Variants in MDGA2 observed in about 807,000 individuals in gnomAD.
MDGA2 encodes the protein MAM domain-containing glycosylphosphatidylinositol anchor protein 2.
A neutral mutation model predicts 117.8 loss-of-function variants in MDGA2; 40 were observed. That is an observed-to-expected ratio of 0.34 (90% confidence interval 0.26 to 0.44). The LOEUF (loss-of-function observed/expected upper bound fraction) is 0.44, where lower values mean the gene tolerates loss of function less well. MDGA2 is among the 20% of genes least tolerant of loss of function. The pLI, the probability that MDGA2 is intolerant of heterozygous loss-of-function variation, is 1.00. For synonymous variants in MDGA2, 452 were observed against 439.0 expected, an observed-to-expected ratio of 1.03 and a Z score of -0.37; for missense variants, 1,123 against 1,250.6, an observed-to-expected ratio of 0.90 and a Z score of 1.54.
At chr14:47,648,598 G>T (rs1224845218) in intron 1 of MDGA2, among the ~76,000 whole-genome samples, 1 of 152,070 alleles carries the variant, frequency 6.6e-6, no homozygotes, top group Non-Finnish European at 1.5e-5. Flanking sequence ...GCAAAGTTCA[G>T]CTGCAAAGAA....
At chr14:47,226,346 G>A (rs186144611) in intron 2 of MDGA2, among the ~76,000 whole-genome samples, 8 of 152,134 alleles carry the variant, frequency 5.3e-5, no homozygotes, top group African/African-American at 1.4e-4. Context: ...GACTCATCAC[G>A]GTAGACAAGT....
chr14:47,488,788 T>C (rs1894110659), intron 1 of MDGA2, among the ~76,000 whole-genome samples: 1 of 152,010 alleles, frequency 6.6e-6, no homozygotes, highest in Non-Finnish European at 1.5e-5. Context: ...CATAACACTC[T>C]GCACAACAGA....
At chr14:46,955,200 A>G (rs1344583144) in intron 9 of MDGA2, among the ~76,000 whole-genome samples, 1 of 152,004 alleles carries the variant, frequency 6.6e-6, no homozygotes, top group Non-Finnish European at 1.5e-5. Flanking sequence ...ATGTCTACAT[A>G]TTAATATATA....
chr14:47,072,973 C>T (rs1890349475), intron 6 of MDGA2, among the ~76,000 whole-genome samples: 1 of 152,182 alleles, frequency 6.6e-6, no homozygotes, highest in African/African-American at 2.4e-5. Context: ...ACAAAAGAGT[C>T]TAACCTGATC....
intron 5 of MDGA2, among the ~76,000 whole-genome samples, chr14:47,108,535 A>C (rs1438796198): frequency 4.8e-5 from 5 of 103,298 alleles, no homozygotes; most frequent in Admixed American, 2.2e-4. Context: ...ATCCTGGCTC[A>C]AAAAGCACCC....
intron 14 of MDGA2, among the ~76,000 whole-genome samples, chr14:46,858,443 T>G (rs1438104579): frequency 6.7e-6 from 1 of 148,184 alleles, no homozygotes; most frequent in East Asian, 1.9e-4. Context: ...TTTTTTTTTT[T>G]TTGAGACGGA....
chr14:46,876,202 A>G (rs73252349), intron 12 of MDGA2, among the ~76,000 whole-genome samples: 5,420 of 151,616 alleles, frequency 0.036, 324 homozygotes, highest in African/African-American at 0.12. Flanking sequence ...CTAAGGACAT[A>G]TATCTTTACA....
intron 6 of MDGA2, among the ~76,000 whole-genome samples, chr14:47,092,857 T>C (rs1022957): frequency 0.54 from 81,445 of 151,820 alleles, 22,147 homozygotes; most frequent in East Asian, 0.83. Flanking sequence ...GGTAGGGGTA[T>C]AGCACAAGAT....
At chr14:47,398,005 A>C (rs1035784765) in intron 1 of MDGA2, among the ~76,000 whole-genome samples, 7 of 152,154 alleles carry the variant, frequency 4.6e-5, no homozygotes, top group Non-Finnish European at 1.0e-4. Context: ...TTTTATCCTC[A>C]CAACATCGCT....
intron 1 of MDGA2, among the ~76,000 whole-genome samples, chr14:47,311,090 G>A (rs1013587493): frequency 3.9e-5 from 6 of 152,020 alleles, no homozygotes; most frequent in Non-Finnish European, 5.9e-5. Flanking sequence ...ACTCCTAAAG[G>A]CAGAGGTACT....
chr14:47,608,445 A>G (rs946492572), intron 1 of MDGA2, among the ~76,000 whole-genome samples: 4 of 152,144 alleles, frequency 2.6e-5, no homozygotes, highest in Non-Finnish European at 5.9e-5. Context: ...ATTCTAAGTG[A>G]GGCTCGTAGG....
chr14:47,480,661 T>C (rs1044182788), intron 1 of MDGA2, among the ~76,000 whole-genome samples: 2 of 152,000 alleles, frequency 1.3e-5, no homozygotes, highest in South Asian at 2.1e-4. Flanking sequence ...TTTCTAATTA[T>C]TGTTCACAGA....
At chr14:47,075,173 T>A (rs1009049575) in intron 6 of MDGA2, among the ~76,000 whole-genome samples, 13 of 152,228 alleles carry the variant, frequency 8.5e-5, no homozygotes, top group Admixed American at 7.9e-4. Flanking sequence ...GTCATCTTTT[T>A]TGTAATGCTT....
At chr14:46,915,453 T>C (rs1262557836) in intron 10 of MDGA2, among the ~76,000 whole-genome samples, 1 of 152,154 alleles carries the variant, frequency 6.6e-6, no homozygotes, top group Admixed American at 6.5e-5. Context: ...AAATATAGTG[T>C]ATCAATAAGA....
chr14:47,613,437 G>A (rs1896888242), intron 1 of MDGA2, among the ~76,000 whole-genome samples: 1 of 150,782 alleles, frequency 6.6e-6, no homozygotes, highest in African/African-American at 2.4e-5. Context: ...TCTACTATTT[G>A]CAGGCAACTT....
chr14:47,588,267 C>G (rs551858435), intron 1 of MDGA2, among the ~76,000 whole-genome samples: 1 of 122,530 alleles, frequency 8.2e-6, no homozygotes, highest in Admixed American at 7.9e-5. Flanking sequence ...TATATACACA[C>G]ACACACACAC....
intron 2 of MDGA2, among the ~76,000 whole-genome samples, chr14:47,218,809 T>C (rs1035199804): frequency 1.2e-4 from 18 of 152,142 alleles, no homozygotes; most frequent in African/African-American, 4.3e-4. Flanking sequence ...ACATCAATAA[T>C]TATTTTAAAA....
intron 1 of MDGA2, among the ~76,000 whole-genome samples, chr14:47,354,426 AT>A (rs1890948596): frequency 6.6e-6 from 1 of 152,154 alleles, no homozygotes; most frequent in African/African-American, 2.4e-5. Flanking sequence ...GAGATGCCTG[AT>A]TTGGAGATAA....
At chr14:46,945,585 CA>C (rs1292195565) in intron 9 of MDGA2, among the ~76,000 whole-genome samples, 1 of 151,978 alleles carries the variant, frequency 6.6e-6, no homozygotes, top group Non-Finnish European at 1.5e-5. Flanking sequence ...TTTTACTATA[CA>C]GTATTTTGTC....
Sources: gnomAD v4.1 joint callset for allele counts (sites outside exome capture counted in the v4.1 genomes callset) on GRCh38, gnomAD v4.1.1 for gene constraint, MANE v1.5 for transcripts, NCBI Gene and HGNC (gene_info 2026-07-23, HGNC 2026-07-21) for gene names.